The following ANKRD13A variants were observed in gnomAD, a reference collection of about 807,000 sequenced individuals.
ANKRD13A encodes ankyrin repeat domain 13A.
In ANKRD13A, 48 loss-of-function variants were observed where a neutral mutation model predicts 81.3. The observed-to-expected ratio is 0.59, with a 90% CI of 0.47 to 0.75. ANKRD13A has a LOEUF of 0.75. ANKRD13A is among the 30% of genes least tolerant of loss of function. The pLI, the probability that ANKRD13A is intolerant of heterozygous loss-of-function variation, is 0.00. For missense variants in ANKRD13A, 612 were observed against 734.0 expected, an observed-to-expected ratio of 0.83 and a Z score of 1.92; for synonymous variants, 230 against 270.1, an observed-to-expected ratio of 0.85 and a Z score of 1.45.
chr12:110,038,500 GACTC>G lies in ANKRD13A; in HGVS notation c.*951_*954del, dbSNP rs1242573146. 1 of 152,550 alleles carries G rather than the reference GACTC, an allele frequency of 6.6e-6. No individual in the cohort carries two copies. The highest frequency in any genetic ancestry group is 2.4e-5 in the African/African-American group (1 of 41,416). The allele number at this position is 152,550 out of a possible 1,614,324, so 9.4% of individuals were successfully genotyped here. A position where few individuals can be genotyped will look rare whatever the true frequency, so the allele number is the denominator to read the frequency against. On this transcript the variant is annotated 3_prime_UTR_variant, in exon 15 of 15. Coordinates refer to ENST00000261739, the MANE Select transcript of ANKRD13A (RefSeq NM_033121.2). Reference sequence around the variant, plus strand: ...ACCTAGGAAGAGCCCGCATGCCCTAGACTCACTCCAGAGGAAGGATTGATTTGCA... The same window carrying G: ...ACCTAGGAAGAGCCCGCATGCCCTAGACTCCAGAGGAAGGATTGATTTGCA...
chr12:110,029,442 A>G, intron 10 of ANKRD13A, 36 bp from the exon 11 acceptor site: 1 of 1,597,720 alleles, frequency 6.3e-7, no homozygotes, highest in Non-Finnish European at 8.6e-7. Flanking sequence ...CATCTGGTGG[A>G]GATGACCTCA....
chr12:110,018,345 T>C lies in ANKRD13A; in HGVS notation c.401T>C (p.Val134Ala), dbSNP rs766165024. The C allele has an allele frequency of 6.2e-7, 1 of 1,614,014 alleles. No homozygotes were observed. Among genetic ancestry groups the C allele is most frequent in the Non-Finnish European group, 8.5e-7 (1 of 1,179,918 alleles). ...TCAGTAGTACACTTCTCTCCTCCAG[T>C]GCCCTTGGTTTCTAGAATATGCCCA... The part of the protein sequence containing the change: ...VQMKWEFTSW[V>A]PLVSRICPND... Residue 134 changes from valine to alanine, a missense_variant and splice_region_variant, in exon 5 of 15, where the codon GTG becomes GCG. Val to Ala is a moderately conservative substitution (Grantham distance 64). Transcript: ENST00000261739. The surrounding 1 kb of genome is among the most constrained non-coding windows in gnomAD (Gnocchi z 4.4).
chr12:110,016,635 C>T (rs773934551), intron 4 of ANKRD13A, among the ~76,000 whole-genome samples: 18 of 152,120 alleles, frequency 1.2e-4, no homozygotes, highest in Admixed American at 3.3e-4. Context: ...CGGTCTTCCC[C>T]GCCATGCATA....
chr12:110,011,371 G>A (rs1189934278), intron 1 of ANKRD13A, among the ~76,000 whole-genome samples: 3 of 152,190 alleles, frequency 2.0e-5, no homozygotes, highest in Non-Finnish European at 4.4e-5. Flanking sequence ...TGGAAGTGAC[G>A]CATGTGCACT....
intron 12 of ANKRD13A, among the ~76,000 whole-genome samples, chr12:110,031,696 G>T (rs967125657): frequency 1.3e-5 from 2 of 152,132 alleles, no homozygotes; most frequent in Admixed American, 1.3e-4. Context: ...AAGGTAGACA[G>T]CATTTCCATA....
rs545085009 is a variant in ANKRD13A, at chr12:109,999,806, C to T, written c.96+22C>T. 432 of 1,518,902 alleles carry T rather than the reference C, an allele frequency of 2.8e-4. No individual in the cohort carries two copies. Among genetic ancestry groups the T allele is most frequent in the Non-Finnish European group, 3.6e-4 (409 of 1,131,142 alleles). The allele number at this position is 1,518,902 out of a possible 1,614,324, so 94.1% of individuals were successfully genotyped here. A position where few individuals can be genotyped will look rare whatever the true frequency, so the allele number is the denominator to read the frequency against. On this transcript the variant is annotated intron_variant, in intron 1 of 14. Coordinates refer to ENST00000261739, the MANE Select transcript of ANKRD13A (RefSeq NM_033121.2). The surrounding 1 kb of genome is among the most constrained non-coding windows in gnomAD (Gnocchi z 4.3). ...CCAGGTGAGGGGCGGGGCGGGGGTCCGTCTCCCGGTGGGGACTTCGGGGAA... is the reference window on the plus strand; with the variant it reads ...CCAGGTGAGGGGCGGGGCGGGGGTCTGTCTCCCGGTGGGGACTTCGGGGAA...
At chr12:110,016,037 C>T (rs377428450) in intron 3 of ANKRD13A, among the ~76,000 whole-genome samples, 5 of 151,516 alleles carry the variant, frequency 3.3e-5, no homozygotes, top group African/African-American at 9.7e-5. Flanking sequence ...CTGCAGCCTC[C>T]ACCTCCTGGC....
Position 110,033,924 on chromosome 12 carries a change from C to A in ANKRD13A, c.1476C>A (p.Ile492=), listed in dbSNP as rs1279924449. 1 of 1,611,032 alleles carries A rather than the reference C, an allele frequency of 6.2e-7. No homozygotes were observed. The highest frequency in any genetic ancestry group is 8.5e-7 in the Non-Finnish European group (1 of 1,178,694). Residue 492 remains isoleucine, a synonymous_variant, in exon 13 of 15, where the codon ATC becomes ATA. Coordinates refer to ENST00000261739, the MANE Select transcript of ANKRD13A (RefSeq NM_033121.2). ...ATTACGAGATAATGCAGTTTGCCAT[C>A]CAGCAAAGTCTGCTGGAGTCCAGCA... ...DEDYEIMQFA[I]QQSLLESSRS... is the part of the protein sequence containing the mutation.
At chr12:110,004,842 C>G (rs192667323) in intron 1 of ANKRD13A, among the ~76,000 whole-genome samples, 16 of 152,216 alleles carry the variant, frequency 1.1e-4, no homozygotes, top group African/African-American at 3.9e-4. Context: ...TGTCAAGCAC[C>G]GTGCTAAGTT....
intron 8 of ANKRD13A, 80 bp downstream of exon 8, chr12:110,025,903 G>A: frequency 2.4e-6 from 3 of 1,231,884 alleles, no homozygotes; most frequent in Non-Finnish European, 3.5e-6. Context: ...GCTCTGTTAA[G>A]TTTAGGGTTA....
chr12:110,033,532 G>A (rs1253689005), intron 12 of ANKRD13A, among the ~76,000 whole-genome samples: 1 of 152,022 alleles, frequency 6.6e-6, no homozygotes, highest in African/African-American at 2.4e-5. Context: ...TATGTTTAGG[G>A]GGAGAAATCT....
At chr12:110,024,798 T>C (rs1891236560) in intron 7 of ANKRD13A, among the ~76,000 whole-genome samples, 1 of 152,228 alleles carries the variant, frequency 6.6e-6, no homozygotes, top group Admixed American at 6.5e-5. Context: ...CAGCTTTGAA[T>C]GTTGGGGCTC....
At position 110,028,580 on chromosome 12, in the gene ANKRD13A, A is replaced by C; in HGVS notation, c.1014A>C (p.Glu338Asp). The C allele has an allele frequency of 1.7e-5, 27 of 1,614,224 alleles. No homozygotes were observed. Among genetic ancestry groups the C allele is most frequent in the Non-Finnish European group, 2.3e-5 (27 of 1,180,028 alleles). The change falls in exon 10 of 15, where the codon GAA becomes GAC. Residue 338 changes from glutamate to aspartate, a missense_variant. By Grantham distance (45) the Glu-to-Asp change is conservative (BLOSUM62 2). Transcript: ENST00000261739. ...TCACGCCTGATGAGTACTTCAATGA[A>C]GAGTTTGATCTGAAAGACAGGGACA... Reference protein sequence around the residue: ...TAITPDEYFNEEFDLKDRDIG... With the variant: ...TAITPDEYFNDEFDLKDRDIG...
intron 4 of ANKRD13A, 78 bp downstream of exon 4, chr12:110,016,511 A>G (rs1370159299): frequency 1.5e-6 from 2 of 1,363,056 alleles, no homozygotes; most frequent in Admixed American, 2.2e-5. Flanking sequence ...TTTCCTTTGT[A>G]AAAGTTACAT....
In ANKRD13A at chr12:109,999,684, T is replaced by A; in HGVS notation, c.-5T>A. On this transcript the variant is annotated 5_prime_UTR_variant, in exon 1 of 15. Transcript: ENST00000261739. This position sits in a 1 kb window ranked among gnomAD's most constrained non-coding sequence, Gnocchi z 4.3. Reference sequence around the variant, plus strand: ...CGACGAGGACCAGGTTACGGCCTCCTCGCCATGTCCTCGGCCTGCGACGCG... The same window carrying A: ...CGACGAGGACCAGGTTACGGCCTCCACGCCATGTCCTCGGCCTGCGACGCG... The A allele has an allele frequency of 6.5e-7, 1 of 1,531,760 alleles. No homozygotes were observed. Among genetic ancestry groups the A allele is most frequent in the Non-Finnish European group, 8.8e-7 (1 of 1,138,318 alleles). 94.9% of individuals were successfully genotyped at this position (1,531,760 alleles called of 1,614,324 possible). A position where few individuals can be genotyped will look rare whatever the true frequency, so the allele number is the denominator to read the frequency against.
rs573772351 is a variant in ANKRD13A at position 110,009,103 on chromosome 12, C to T, written c.97-2902C>T. ...TTTTATTTTATTTTATTTTTTGAGACGAAGTTTTACTCTTGTTGCCCAGGC... is the reference window on the plus strand; with the variant it reads ...TTTTATTTTATTTTATTTTTTGAGATGAAGTTTTACTCTTGTTGCCCAGGC... On this transcript the variant is annotated intron_variant, in intron 1 of 14. Coordinates refer to ENST00000261739, the MANE Select transcript of ANKRD13A (RefSeq NM_033121.2). Among the ~76,000 whole-genome samples the T allele has an allele frequency of 5.9e-5, 9 of 152,094 alleles. No individual in the cohort carries two copies. The South Asian group carries it at 8.3e-4, about 14-fold the overall frequency.
In ANKRD13A at chr12:110,039,059, ATC is replaced by A. The variant is rs770541143; in HGVS notation, c.*1507_*1508del. The A allele has an allele frequency of 9.5e-5, 14 of 147,988 alleles. No homozygotes were observed. The highest frequency in any genetic ancestry group is 2.1e-4 in the South Asian group (1 of 4,764). 9.2% of individuals were successfully genotyped at this position (147,988 alleles called of 1,614,324 possible). A position where few individuals can be genotyped will look rare whatever the true frequency, so the allele number is the denominator to read the frequency against. ...ATTGTGCTTTTAATTCCATTTCACA[ATC>A]TGTTTTGTTTTTTTTTTTTGTCATT... is the stretch of plus-strand genomic sequence containing the variant. On this transcript the variant is annotated 3_prime_UTR_variant, in exon 15 of 15. Transcript: ENST00000261739.
chr12:110,029,582 G>C lies in ANKRD13A; in HGVS notation c.1181G>C (p.Arg394Thr), dbSNP rs1891558213. 6.2e-6 allele frequency: 10 copies of C among 1,613,972 alleles called. No homozygotes were observed. The highest frequency in any genetic ancestry group is 8.5e-6 in the Non-Finnish European group (10 of 1,179,858). Residue 394 changes from arginine to threonine, a missense_variant, in exon 11 of 15, where the codon AGA (arginine) becomes ACA (threonine). Transcript: ENST00000261739. The stretch of plus-strand genomic sequence containing the variant: ...GCTCGAACGAGTGCTCATTTTGCAA[G>C]ACTGAGAGATTTCATCAAATTGGAA... ...LMARTSAHFA[R>T]LRDFIKLEFP...
intron 6 of ANKRD13A, among the ~76,000 whole-genome samples, chr12:110,020,142 T>C (rs969388515): frequency 8.5e-5 from 13 of 152,210 alleles, no homozygotes; most frequent in Admixed American, 1.3e-4. Context: ...TTGCCTAGGA[T>C]GTCACATCCA....
Sources: allele counts gnomAD v4.1 joint callset (sites outside exome capture counted in the v4.1 genomes callset), GRCh38; gene constraint gnomAD v4.1.1; non-coding constraint Gnocchi (gnomAD v3.1); transcripts MANE v1.5; gene names NCBI Gene and HGNC (gene_info 2026-07-23, HGNC 2026-07-21).